DCLRE1A: variants seen among roughly 807,000 people sequenced by gnomAD.
DCLRE1A encodes the protein DNA cross-link repair 1A, also known as DNA cross-link repair 1A protein.
DCLRE1A carries 64 observed loss-of-function variants against 91.9 expected under a neutral mutation model. That is an observed-to-expected ratio of 0.70 (90% confidence interval 0.57 to 0.86). The LOEUF (loss-of-function observed/expected upper bound fraction) is 0.86, where lower values mean the gene tolerates loss of function less well. DCLRE1A is among the 40% of genes least tolerant of loss of function. The pLI is 0.00. For synonymous variants in DCLRE1A, 416 were observed against 431.1 expected (o/e 0.96, Z 0.43); for missense variants, 1,145 against 1,213.3 (o/e 0.94, Z 0.84).
Position 113,853,075 on chromosome 10 carries a change from T to C in DCLRE1A, c.108A>G (p.Glu36=), listed in dbSNP as rs1268192822. The C allele has an allele frequency of 1.2e-6, 2 of 1,612,328 alleles. No individual in the cohort carries two copies. Among genetic ancestry groups the C allele is most frequent in the East Asian group, 2.2e-5 (1 of 44,882 alleles). Residue 36 remains glutamate, a synonymous_variant, in exon 1 of 9, where the codon GAA becomes GAG. Coordinates refer to ENST00000361384, the MANE Select transcript of DCLRE1A (RefSeq NM_014881.5). ...NGSKNILKSV[E]KATDGKYQSK... ...ACTGGTATTTTCCATCTGTTGCTTT[T>C]TCAACAGATTTTAGAATATTTTTAG...
chr10:113,848,265 T>C (rs917989504), intron 2 of DCLRE1A, among the ~76,000 whole-genome samples: 2 of 151,932 alleles, frequency 1.3e-5, no homozygotes, highest in African/African-American at 4.8e-5. Context: ...TGCAGTGAGC[T>C]GAGATCGCGC....
chr10:113,852,888 C>T lies in DCLRE1A; in HGVS notation c.295G>A (p.Gly99Arg), dbSNP rs1334356585. Residue 99 changes from glycine (G) to arginine (R), a missense_variant, in exon 1 of 9, where the codon GGA (glycine) becomes AGA (arginine). By Grantham distance (125) the Gly-to-Arg change is moderately radical. Coordinates refer to ENST00000361384, the MANE Select transcript of DCLRE1A (RefSeq NM_014881.5). Reference protein sequence around the residue: ...QQTQDKETTPGKLCRTQKSQH... With the variant: ...QQTQDKETTPRKLCRTQKSQH... ...CTTTTTTGAGTTCTACAGAGTTTTC[C>T]TGGAGTAGTTTCCTTGTCTTGGGTC... The T allele has an allele frequency of 1.9e-6, 3 of 1,614,018 alleles. No homozygotes were observed. The African/African-American group carries it at 4.0e-5, about 22-fold the overall frequency.
chr10:113,844,808 C>T (rs1210118965), intron 4 of DCLRE1A, among the ~76,000 whole-genome samples: 4 of 151,804 alleles, frequency 2.6e-5, no homozygotes, highest in Admixed American at 6.6e-5. Context: ...TGGTGGTGTG[C>T]GCCTGTAATC....
rs144798018 is a variant in DCLRE1A, at chr10:113,849,173, C to A, written c.1932G>T (p.Leu644=). ...ATCTCTTCTGACACGCTCCTTCCTG[C>A]AGTGAATTTGACTTTCTACATCTCT... ...QKKRCRKSNS[L]QEGACQKRSD... Residue 644 remains leucine, a synonymous_variant, in exon 2 of 9, where the codon CTG becomes CTT. Transcript: ENST00000361384. 1.2e-6 allele frequency: 2 copies of A among 1,613,936 alleles called. No individual in the cohort carries two copies. Among genetic ancestry groups the A allele is most frequent in the Non-Finnish European group, 1.7e-6 (2 of 1,179,988 alleles).
chr10:113,850,493 G>GC lies in DCLRE1A; in HGVS notation c.611dup (p.Val205ArgfsTer4). 6.2e-7 allele frequency: 1 copy of GC among 1,613,996 alleles called. No individual in the cohort carries two copies. ...ATCTTTCCTCAAGGCTACAAAGGACGCCTGACTTAGTCTCACTGAAACTGC... is the reference window on the plus strand; with the variant it reads ...ATCTTTCCTCAAGGCTACAAAGGACGCCCTGACTTAGTCTCACTGAAACTGC... On this transcript the variant is annotated frameshift_variant, in exon 2 of 9. Transcript: ENST00000361384. LOFTEE classifies it high-confidence loss of function.
chr10:113,835,374 C>A (rs1040271533), intron 8 of DCLRE1A, 62 bp from the exon 9 acceptor site: 18 of 1,465,850 alleles, frequency 1.2e-5, no homozygotes, highest in Non-Finnish European at 1.4e-5. Flanking sequence ...TTTCACAATC[C>A]TAAAATAAAA....
Position 113,849,871 on chromosome 10 carries a change from G to A in DCLRE1A, c.1234C>T (p.Pro412Ser), listed in dbSNP as rs1204791899. ...CTGGDFVLFP[P>S]ALAGKLAASV... is the part of the protein sequence containing the mutation. Reference sequence around the variant, plus strand: ...GCAGCAAGCTTCCCTGCCAATGCAGGTGGAAACAACACAAAATCACCACCA... The same window carrying A: ...GCAGCAAGCTTCCCTGCCAATGCAGATGGAAACAACACAAAATCACCACCA... Residue 412 changes from proline (P) to serine (S), a missense_variant, in exon 2 of 9, where the codon CCT becomes TCT. Transcript: ENST00000361384. The A allele has an allele frequency of 6.2e-7, 1 of 1,613,938 alleles. No homozygotes were observed. Among genetic ancestry groups the A allele is most frequent in the South Asian group, 1.1e-5 (1 of 91,086 alleles).
At chr10:113,843,902 C>CA (rs1353981227) in intron 5 of DCLRE1A, among the ~76,000 whole-genome samples, 1 of 152,274 alleles carries the variant, frequency 6.6e-6, no homozygotes, top group South Asian at 2.1e-4. Context: ...ATAAATCACA[C>CA]AAAAAAATGA....
chr10:113,839,766 A>G (rs1040233191), intron 7 of DCLRE1A, among the ~76,000 whole-genome samples: 1 of 152,118 alleles, frequency 6.6e-6, no homozygotes, highest in Non-Finnish European at 1.5e-5. Flanking sequence ...AGCTTTTTCT[A>G]TCTCTCATCA....
rs746793719 is a variant in DCLRE1A at position 113,845,741 on chromosome 10, T to G, written c.2322A>C (p.Pro774=). The change falls in exon 4 of 9, where the codon CCA becomes CCC. Residue 774 remains proline (P), a synonymous_variant. Transcript: ENST00000361384. ...CATTCACAATACATTCAGTGTCCAG[T>G]GGCAATGGGTGAATATATTGTTCTT... The part of the protein sequence containing the change: ...HVQEQYIHPL[P]LDTECIVNGV... 1.2e-6 allele frequency: 2 copies of G among 1,614,064 alleles called. No individual in the cohort carries two copies. The highest frequency in any genetic ancestry group is 2.2e-5 in the East Asian group (1 of 44,872).
intron 7 of DCLRE1A, among the ~76,000 whole-genome samples, chr10:113,838,133 CA>C (rs1845391739): frequency 1.3e-5 from 2 of 151,570 alleles, no homozygotes; most frequent in Admixed American, 6.6e-5. Context: ...CTATGCACAC[CA>C]AAAAAAAGTT....
chr10:113,848,951 A>C, intron 2 of DCLRE1A, 29 bp downstream of exon 2: 2 of 1,579,802 alleles, frequency 1.3e-6, no homozygotes, highest in Non-Finnish European at 1.7e-6. Flanking sequence ...GTCTTTGTTG[A>C]TATATCGAGT....
Position 113,845,818 on chromosome 10 carries a change from G to A in DCLRE1A, c.2260-15C>T, listed in dbSNP as rs114344142. 5.0e-4 allele frequency: 797 copies of A among 1,587,230 alleles called. 5 individuals are homozygous for A. In the African/African-American group the frequency reaches 9.7e-3, roughly 19 times the overall value. ...TTGCCAGTTATCTGCAAAACAGGAC[G>A]TGCTTATTGCTGATGCAGTAAAACA... On this transcript the variant is annotated splice_polypyrimidine_tract_variant and intron_variant, in intron 3 of 8. Coordinates refer to ENST00000361384, the MANE Select transcript of DCLRE1A (RefSeq NM_014881.5).
chr10:113,851,490 T>C (rs1845649687), intron 1 of DCLRE1A, among the ~76,000 whole-genome samples: 1 of 152,316 alleles, frequency 6.6e-6, no homozygotes, highest in South Asian at 2.1e-4. Flanking sequence ...GATTTCAAAA[T>C]ATATAAATCA....
intron 5 of DCLRE1A, 78 bp downstream of exon 5, chr10:113,844,026 C>T (rs1845488171): frequency 6.5e-7 from 1 of 1,532,394 alleles, no homozygotes; most frequent in African/African-American, 1.4e-5. Context: ...GGCAATAAGC[C>T]ATCATTTTGA....
chr10:113,848,937 C>G (rs529964756), intron 2 of DCLRE1A, 43 bp downstream of exon 2: 2 of 1,549,384 alleles, frequency 1.3e-6, no homozygotes, highest in South Asian at 2.5e-5. Flanking sequence ...AGTTCAAAAA[C>G]GTTGTCTTTG....
intron 4 of DCLRE1A, 143 bp from the exon 5 acceptor site, chr10:113,844,387 A>G: frequency 8.9e-7 from 1 of 1,125,252 alleles, no homozygotes. Context: ...CGGCACTTCA[A>G]CTCAAGGAAA....
At chr10:113,839,129 T>G (rs561939215) in intron 7 of DCLRE1A, among the ~76,000 whole-genome samples, 4 of 152,072 alleles carry the variant, frequency 2.6e-5, no homozygotes, top group African/African-American at 7.2e-5. Flanking sequence ...ATTGAGACCA[T>G]CCTGGCTAAC....
Position 113,839,311 on chromosome 10 carries a change from C to T in DCLRE1A, c.2820+2095G>A, listed in dbSNP as rs142980993. The stretch of plus-strand genomic sequence containing the variant: ...CTGCACTCCAGCCTGGTGGACAGAG[C>T]GAGACCCTGTCTCAAAAAAAAAAAA... On this transcript the variant is annotated intron_variant, in intron 7 of 8. Coordinates refer to ENST00000361384, the MANE Select transcript of DCLRE1A (RefSeq NM_014881.5). 1.0e-2 allele frequency among the ~76,000 whole-genome samples: 1,090 copies of T among 109,412 alleles called. 16 individuals carry two copies. The highest frequency in any genetic ancestry group is 0.03 in the African/African-American group (836 of 28,036). 71.8% of individuals were successfully genotyped at this position (109,412 alleles called of 152,430 possible). A position where few individuals can be genotyped will look rare whatever the true frequency, so the allele number is the denominator to read the frequency against.
Sources: gnomAD v4.1 joint callset for allele counts (sites outside exome capture counted in the v4.1 genomes callset) on GRCh38, gnomAD v4.1.1 for gene constraint, MANE v1.5 for transcripts, NCBI Gene and HGNC (gene_info 2026-07-23, HGNC 2026-07-21) for gene names.